DGKB: variants seen among roughly 807,000 people sequenced by gnomAD.
DGKB encodes 90 kDa diacylglycerol kinase.
DGKB carries 67 observed loss-of-function variants against 114.3 expected under a neutral mutation model. The observed-to-expected ratio is 0.59, with a 90% CI of 0.48 to 0.72. The LOEUF (loss-of-function observed/expected upper bound fraction) is 0.72, where lower values mean the gene tolerates loss of function less well. DGKB is among the 30% of genes least tolerant of loss of function. DGKB has a pLI of 0.00. For synonymous variants in DGKB, 398 were observed against 323.1 expected (o/e 1.23, Z -2.49); for missense variants, 907 against 975.2 (o/e 0.93, Z 0.93).
chr7:14,219,738 C>T (rs747505726), intron 23 of DGKB, among the ~76,000 whole-genome samples: 3 of 151,600 alleles, frequency 2.0e-5, no homozygotes, highest in Admixed American at 6.6e-5. Flanking sequence ...TTTTCACTTT[C>T]TTGATAGAGT....
intron 21 of DGKB, among the ~76,000 whole-genome samples, chr7:14,477,170 AT>A (rs1782311157): frequency 6.6e-6 from 1 of 152,192 alleles, no homozygotes; most frequent in Non-Finnish European, 1.5e-5. Flanking sequence ...CTATAAAACA[AT>A]TTTGAAATAG....
At chr7:14,886,118 G>T (rs888547267) in intron 1 of DGKB, among the ~76,000 whole-genome samples, 4 of 151,882 alleles carry the variant, frequency 2.6e-5, no homozygotes, top group African/African-American at 7.2e-5. Flanking sequence ...TGAGTGAAAT[G>T]TAAGAGTTTG....
At chr7:14,377,158 A>AT (rs1022926678) in intron 21 of DGKB, among the ~76,000 whole-genome samples, 8 of 152,068 alleles carry the variant, frequency 5.3e-5, no homozygotes, top group African/African-American at 1.4e-4. Flanking sequence ...GTCTCAAGGG[A>AT]TTTTTTCCTC....
intron 20 of DGKB, among the ~76,000 whole-genome samples, chr7:14,535,895 A>T (rs1792406988): frequency 6.6e-6 from 1 of 152,162 alleles, no homozygotes; most frequent in Admixed American, 6.5e-5. Flanking sequence ...TGTTTTTTTT[A>T]AGATAAACAA....
At chr7:14,478,338 T>C in intron 20 of DGKB, 113 bp from the exon 21 acceptor site, 1 of 654,426 alleles carries the variant, frequency 1.5e-6, no homozygotes, top group Middle Eastern at 3.7e-4. Context: ...ATTTACAATA[T>C]TATTGCCAAG....
intron 20 of DGKB, among the ~76,000 whole-genome samples, chr7:14,542,727 T>C (rs1476157559): frequency 6.6e-6 from 1 of 152,182 alleles, no homozygotes; most frequent in Non-Finnish European, 1.5e-5. Context: ...AATATCTGCC[T>C]GAGATTTTTA....
At chr7:14,685,183 T>C in intron 10 of DGKB, 62 bp downstream of exon 10, 1 of 1,059,884 alleles carries the variant, frequency 9.4e-7, no homozygotes. Context: ...ATAAGACTAT[T>C]CCATGAAATC....
At chr7:14,380,117 T>C (rs1032378980) in intron 21 of DGKB, among the ~76,000 whole-genome samples, 5 of 152,164 alleles carry the variant, frequency 3.3e-5, no homozygotes, top group Non-Finnish European at 5.9e-5. Context: ...CGTACTTCGC[T>C]ATATCCAAAA....
Position 14,148,638 on chromosome 7 carries a change from C to G in DGKB, c.*493G>C, listed in dbSNP as rs550409558. On this transcript the variant is annotated 3_prime_UTR_variant, in exon 26 of 26. Coordinates refer to ENST00000402815, the MANE Select transcript of DGKB (RefSeq NM_001350709.2). ...GTAGTCAACTATTTAATAAAATCTT[C>G]GAATTAAAAGTTTCTCCTCAAGTCA... 2 of 157,992 alleles carry G rather than the reference C, an allele frequency of 1.3e-5. No individual in the cohort carries two copies. The highest frequency in any genetic ancestry group is 3.8e-4 in the East Asian group (2 of 5,250). 9.8% of individuals were successfully genotyped at this position (157,992 alleles called of 1,614,324 possible).
chr7:14,519,411 C>T (rs899400858), intron 20 of DGKB, among the ~76,000 whole-genome samples: 4 of 152,072 alleles, frequency 2.6e-5, no homozygotes, highest in African/African-American at 9.7e-5. Context: ...CATGTTATAG[C>T]ACATAGCAAT....
intron 1 of DGKB, among the ~76,000 whole-genome samples, chr7:14,857,258 T>TTGTG (rs140695633): frequency 3.6e-5 from 5 of 138,256 alleles, no homozygotes; most frequent in Admixed American, 7.2e-5. Flanking sequence ...CTGTGTGTGT[T>TTGTG]TGTGTGTGTG....
intron 2 of DGKB, among the ~76,000 whole-genome samples, chr7:14,781,291 T>A (rs1839053136): frequency 6.6e-6 from 1 of 152,224 alleles, no homozygotes; most frequent in African/African-American, 2.4e-5. Context: ...ATTCTGCTTA[T>A]CTTTCAATTC....
intron 1 of DGKB, among the ~76,000 whole-genome samples, chr7:14,955,289 G>A (rs948826941): frequency 1.3e-5 from 2 of 152,018 alleles, no homozygotes. Context: ...TAAAATGTGT[G>A]TGAACAATTC....
rs955220088 is a variant in DGKB, at chr7:14,802,737, T to C, written c.70+38457A>G. Among the ~76,000 whole-genome samples, 7 of 152,226 alleles carry C rather than the reference T, an allele frequency of 4.6e-5. No homozygotes were observed. In the South Asian group the frequency reaches 8.3e-4, roughly 18 times the overall value. On this transcript the variant is annotated intron_variant, in intron 2 of 25. Transcript: ENST00000402815. ...TTCAGTTCATTTATAAAAATCAACATAAAAATCACAGATTTACTAAAATCT... is the reference window on the plus strand; with the variant it reads ...TTCAGTTCATTTATAAAAATCAACACAAAAATCACAGATTTACTAAAATCT...
In DGKB at chr7:14,493,962, A is replaced by ACACC. The variant is rs1784952560; in HGVS notation, c.1771-15738_1771-15737insGGTG. On this transcript the variant is annotated intron_variant, in intron 20 of 25. Coordinates refer to ENST00000402815, the MANE Select transcript of DGKB (RefSeq NM_001350709.2). ...CACACACACACACACACACACACAC[A>ACACC]TCTATGTACACATCATAGCAATTAA... Among the ~76,000 whole-genome samples, 8 of 139,148 alleles carry ACACC rather than the reference A, an allele frequency of 5.7e-5. 1 individual carries two copies. In the South Asian group the frequency reaches 2.0e-3, roughly 35 times the overall value. 91.3% of individuals were successfully genotyped at this position (139,148 alleles called of 152,430 possible). A position where few individuals can be genotyped will look rare whatever the true frequency, so the allele number is the denominator to read the frequency against.
intron 12 of DGKB, among the ~76,000 whole-genome samples, chr7:14,677,215 C>T (rs895655268): frequency 3.3e-5 from 5 of 151,820 alleles, no homozygotes; most frequent in African/African-American, 1.2e-4. Context: ...GGAAGAGTGG[C>T]TGCGCTGGTC....
intron 13 of DGKB, among the ~76,000 whole-genome samples, chr7:14,648,129 G>A (rs576386520): frequency 1.3e-5 from 2 of 152,338 alleles, no homozygotes; most frequent in African/African-American, 2.4e-5. Context: ...AGCTGGAACT[G>A]GGTGGAGCCC....
intron 5 of DGKB, among the ~76,000 whole-genome samples, chr7:14,723,459 C>T (rs1019102914): frequency 2.0e-5 from 3 of 152,098 alleles, no homozygotes; most frequent in Non-Finnish European, 2.9e-5. Context: ...GTAAATATTG[C>T]AATTGACACT....
chr7:14,434,266 T>C (rs1828914811), intron 21 of DGKB, among the ~76,000 whole-genome samples: 1 of 152,182 alleles, frequency 6.6e-6, no homozygotes, highest in African/African-American at 2.4e-5. Flanking sequence ...GTCCCAACTA[T>C]GTCCACGTCT....
Sources: allele counts gnomAD v4.1 joint callset (sites outside exome capture counted in the v4.1 genomes callset), GRCh38; gene constraint gnomAD v4.1.1; transcripts MANE v1.5; gene names NCBI Gene and HGNC (gene_info 2026-07-23, HGNC 2026-07-21).